DCP2: variants seen among roughly 807,000 people sequenced by gnomAD.
DCP2 encodes decapping mRNA 2.
Under a neutral mutation model 56.1 loss-of-function variants are expected in DCP2, and 30 were observed. That is an observed-to-expected ratio of 0.53 (90% confidence interval 0.40 to 0.73). The LOEUF is 0.73. DCP2 is among the 30% of genes least tolerant of loss of function. The pLI, the probability that DCP2 is intolerant of heterozygous loss-of-function variation, is 0.00. For synonymous variants in DCP2, 197 were observed against 163.3 expected, an observed-to-expected ratio of 1.21 and a Z score of -1.57; for missense variants, 533 against 502.7, an observed-to-expected ratio of 1.06 and a Z score of -0.58.
chr5:112,987,315 A>G (rs377524989), intron 2 of DCP2, among the ~76,000 whole-genome samples: 38 of 152,344 alleles, frequency 2.5e-4, no homozygotes, highest in Admixed American at 1.4e-3. Flanking sequence ...AGGATAGCTC[A>G]ATAAATAAAT....
chr5:113,007,630 C>T (rs866088662), intron 8 of DCP2, among the ~76,000 whole-genome samples: 4 of 151,874 alleles, frequency 2.6e-5, no homozygotes, highest in Non-Finnish European at 4.4e-5. Flanking sequence ...TCATCTCAAC[C>T]TCGTGATCCG....
chr5:112,977,157 C>A (rs191081267), intron 1 of DCP2, among the ~76,000 whole-genome samples, 171 bp downstream of exon 1: 1 of 152,224 alleles, frequency 6.6e-6, no homozygotes, highest in South Asian at 2.1e-4. Flanking sequence ...GCCCCTCTTT[C>A]CGCCGCAGCC....
intron 1 of DCP2, chr5:112,984,703 A>AAAAAAAATAT: frequency 1.5e-5 from 1 of 64,858 alleles, no homozygotes; most frequent in African/African-American, 7.9e-5. Flanking sequence ...AAAAAAAAAA[A>AAAAAAAATAT]ATATATATAT....
intron 4 of DCP2, among the ~76,000 whole-genome samples, chr5:112,995,190 A>G (rs148701313): frequency 1.5e-3 from 223 of 152,338 alleles, no homozygotes; most frequent in African/African-American, 5.1e-3. Flanking sequence ...CAGCCTATAG[A>G]CAAAGCTGTT....
At position 113,018,215 on chromosome 5, in the gene DCP2, A is replaced by T. The variant is rs757562526; in HGVS notation, c.*4731A>T. On this transcript the variant is annotated 3_prime_UTR_variant, in exon 11 of 11. Coordinates refer to ENST00000389063, the MANE Select transcript of DCP2 (RefSeq NM_152624.6). ...AAAAGAGTGAAAGTTACTCTTATGC[A>T]TGGGAGTGGGCTTAAAGGGTTGACT... 1 of 152,212 alleles carries T rather than the reference A, an allele frequency of 6.6e-6. No homozygotes were observed. The highest frequency in any genetic ancestry group is 2.1e-4 in the South Asian group (1 of 4,832). 9.4% of individuals were successfully genotyped at this position (152,212 alleles called of 1,614,324 possible).
At chr5:112,993,921 T>C (rs1748718489) in intron 4 of DCP2, among the ~76,000 whole-genome samples, 1 of 150,604 alleles carries the variant, frequency 6.6e-6, no homozygotes. Context: ...AGGATCTCGC[T>C]TTGTTGTCCA....
chr5:113,005,699 G>A (rs1204910886), intron 8 of DCP2, among the ~76,000 whole-genome samples: 1 of 152,180 alleles, frequency 6.6e-6, no homozygotes, highest in African/African-American at 2.4e-5. Flanking sequence ...GATAACTTGT[G>A]TACCAATGTT....
intron 2 of DCP2, among the ~76,000 whole-genome samples, chr5:112,991,606 C>T (rs1748591243): frequency 6.6e-6 from 1 of 152,164 alleles, no homozygotes; most frequent in Admixed American, 6.5e-5. Context: ...TCATACTTCT[C>T]CTTCCCAGAA....
rs1749183942 is a variant in DCP2 at position 113,001,632 on chromosome 5, C to T, written c.764C>T (p.Ser255Leu). ...DSSDSDNGFS[S>L]TGSTPAKPTV... is the part of the protein sequence containing the mutation. ...TCAGACAGTGACAATGGATTTTCCT[C>T]AACTGGTAGCACGCCGGCTAAACCC... The change falls in exon 7 of 11, where the codon TCA becomes TTA. Residue 255 changes from serine to leucine, a missense_variant. Physicochemically the swap from Ser to Leu is moderately radical, Grantham distance 145. Coordinates refer to ENST00000389063, the MANE Select transcript of DCP2 (RefSeq NM_152624.6). 1 of 1,614,160 alleles carries T rather than the reference C, an allele frequency of 6.2e-7. No individual in the cohort carries two copies. Among genetic ancestry groups the T allele is most frequent in the Non-Finnish European group, 8.5e-7 (1 of 1,180,016 alleles).
chr5:113,005,151 G>GGTGTGTGTGTGTGTGTGTGTGTGTGTGT (rs56389236), intron 8 of DCP2, among the ~76,000 whole-genome samples: 3 of 149,418 alleles, frequency 2.0e-5, no homozygotes, highest in African/African-American at 5.0e-5. Flanking sequence ...TGTGCGTGTG[G>GGTGTGTGTGTGTGTGTGTGTGTGTGTGT]GTGTGTGTGT....
Position 112,977,085 on chromosome 5 carries a change from C to CCTCGCTTTCCGCTCCCGCCGCTG in DCP2, c.53+110_53+132dup, listed in dbSNP as rs1747744141. On this transcript the variant is annotated intron_variant, in intron 1 of 10. Transcript: ENST00000389063. The stretch of plus-strand genomic sequence containing the variant: ...TCTTCTTCCCCGCCCACGTCCATGT[C>CCTCGCTTTCCGCTCCCGCCGCTG]CTCGCTTTCCGCTCCCGCCGCTGCT... The CCTCGCTTTCCGCTCCCGCCGCTG allele has an allele frequency of 4.5e-6, 4 of 887,428 alleles. No homozygotes were observed. In the East Asian group the frequency reaches 8.9e-5, roughly 20 times the overall value. 55.0% of individuals were successfully genotyped at this position (887,428 alleles called of 1,614,324 possible).
Position 113,017,762 on chromosome 5 carries a change from A to G in DCP2, c.*4278A>G, listed in dbSNP as rs1749948602. ...TTTATCAATACTTGAGTGCTTTATTATGTTCCAGGCTAGAAATGTGATCAT... is the reference window on the plus strand; with the variant it reads ...TTTATCAATACTTGAGTGCTTTATTGTGTTCCAGGCTAGAAATGTGATCAT... On this transcript the variant is annotated 3_prime_UTR_variant, in exon 11 of 11. Transcript: ENST00000389063. 6.6e-6 allele frequency: 1 copy of G among 152,214 alleles called. No individual in the cohort carries two copies. Among genetic ancestry groups the G allele is most frequent in the African/African-American group, 2.4e-5 (1 of 41,454 alleles). The allele number at this position is 152,214 out of a possible 1,614,324, so 9.4% of individuals were successfully genotyped here.
chr5:112,996,569 C>G (rs1013110583), intron 4 of DCP2, among the ~76,000 whole-genome samples: 2 of 152,142 alleles, frequency 1.3e-5, no homozygotes, highest in African/African-American at 4.8e-5. Context: ...TGTTTTGTTA[C>G]ACTGTAGCAG....
intron 1 of DCP2, among the ~76,000 whole-genome samples, chr5:112,983,684 G>T (rs901990188): frequency 2.0e-5 from 3 of 151,920 alleles, no homozygotes; most frequent in Non-Finnish European, 4.4e-5. Context: ...GATATTAGAA[G>T]CATCCAGACT....
intron 8 of DCP2, among the ~76,000 whole-genome samples, chr5:113,005,907 C>T (rs1031881231): frequency 1.3e-5 from 2 of 151,980 alleles, no homozygotes; most frequent in Admixed American, 6.6e-5. Flanking sequence ...CTGAGGCAGG[C>T]GGATTATTTG....
In DCP2 at chr5:112,976,928, C is replaced by T. The variant is rs1436961946; in HGVS notation, c.-6C>T. 2.5e-6 allele frequency: 4 copies of T among 1,611,808 alleles called. No homozygotes were observed. In the African/African-American group the frequency reaches 4.0e-5, roughly 16 times the overall value. On this transcript the variant is annotated 5_prime_UTR_variant, in exon 1 of 11. Transcript: ENST00000389063. ...GGATGCACTGTTCCTGCTGTGGGTCCTCATCATGGAGACCAAACGGGTGGA... is the reference window on the plus strand; with the variant it reads ...GGATGCACTGTTCCTGCTGTGGGTCTTCATCATGGAGACCAAACGGGTGGA...
rs987154431 is a variant in DCP2 at position 113,018,127 on chromosome 5, T to A, written c.*4643T>A. 2 of 152,224 alleles carry A rather than the reference T, an allele frequency of 1.3e-5. No homozygotes were observed. The highest frequency in any genetic ancestry group is 2.9e-5 in the Non-Finnish European group (2 of 68,046). The allele number at this position is 152,224 out of a possible 1,614,324, so 9.4% of individuals were successfully genotyped here. ...ACATTTGTCCTGAATGGTGATTCAT[T>A]CCTTTCCATCTAACTTCCTTGTGAC... On this transcript the variant is annotated 3_prime_UTR_variant, in exon 11 of 11. Coordinates refer to ENST00000389063, the MANE Select transcript of DCP2 (RefSeq NM_152624.6).
chr5:112,999,979 T>C (rs548861118), intron 4 of DCP2, among the ~76,000 whole-genome samples: 34 of 145,688 alleles, frequency 2.3e-4, no homozygotes, highest in Non-Finnish European at 4.3e-4. Context: ...GAGAATTGCT[T>C]GAAACTGGGA....
intron 1 of DCP2, among the ~76,000 whole-genome samples, chr5:112,977,479 T>C (rs1747772204): frequency 1.3e-5 from 2 of 152,260 alleles, no homozygotes; most frequent in South Asian, 4.1e-4. Flanking sequence ...GGACTTATTC[T>C]GACGCCTGCG....
Sources: allele counts gnomAD v4.1 joint callset (sites outside exome capture counted in the v4.1 genomes callset), GRCh38; gene constraint gnomAD v4.1.1; transcripts MANE v1.5; gene names NCBI Gene and HGNC (gene_info 2026-07-23, HGNC 2026-07-21).